AIG1: variants seen among roughly 807,000 people sequenced by gnomAD.
AIG1 encodes androgen-induced gene 1 protein.
Under a neutral mutation model 31.4 loss-of-function variants are expected in AIG1, and 23 were observed. That is an observed-to-expected ratio of 0.73 (90% CI 0.53 to 1.04). AIG1 has a LOEUF of 1.04. Among genes scored for constraint, AIG1 ranks in the 50% least tolerant of loss-of-function variants. The probability of loss-of-function intolerance (pLI) is 0.00; values close to 1 mark genes in which losing one functional copy is unlikely to be tolerated. For synonymous variants in AIG1, 100 were observed against 110.5 expected, an observed-to-expected ratio of 0.90 and a Z score of 0.60; for missense variants, 274 against 295.0, an observed-to-expected ratio of 0.93 and a Z score of 0.52.
At chr6:143,201,873 G>A (rs768450553) in intron 3 of AIG1, among the ~76,000 whole-genome samples, 8 of 152,184 alleles carry the variant, frequency 5.3e-5, no homozygotes, top group South Asian at 2.1e-4. Context: ...TAGCAAGTTA[G>A]TTGTAAACCT....
intron 3 of AIG1, among the ~76,000 whole-genome samples, chr6:143,196,984 C>T (rs1387475531): frequency 1.3e-5 from 2 of 152,180 alleles, no homozygotes; most frequent in Non-Finnish European, 2.9e-5. Context: ...TAATAGTCTG[C>T]AGCCTCTTAG....
At chr6:143,163,734 A>G (rs181482463) in intron 2 of AIG1, among the ~76,000 whole-genome samples, 1 of 152,322 alleles carries the variant, frequency 6.6e-6, no homozygotes, top group Admixed American at 6.5e-5. Context: ...ATTTCACTTT[A>G]AAGGGAAGAA....
At chr6:143,171,375 T>C (rs1787504568) in intron 3 of AIG1, among the ~76,000 whole-genome samples, 1 of 142,950 alleles carries the variant, frequency 7.0e-6, no homozygotes, top group Non-Finnish European at 1.5e-5. Flanking sequence ...AGTATTTTAT[T>C]CCTTTTTATG....
chr6:143,170,103 G>A (rs1343142535), intron 3 of AIG1, among the ~76,000 whole-genome samples: 1 of 152,032 alleles, frequency 6.6e-6, no homozygotes, highest in Non-Finnish European at 1.5e-5. Flanking sequence ...TGGCATCATA[G>A]AATGAGTTAG....
At chr6:143,143,497 T>G (rs773374552) in intron 2 of AIG1, among the ~76,000 whole-genome samples, 16 of 37,324 alleles carry the variant, frequency 4.3e-4, no homozygotes, top group Non-Finnish European at 6.6e-4. Context: ...CGAGACTTCA[T>G]CTCAAAAAAA....
rs368534372 is a variant in AIG1 at position 143,152,450 on chromosome 6, G to GT, written c.298-12622dup. Among the ~76,000 whole-genome samples, 825 of 149,788 alleles carry GT rather than the reference G, an allele frequency of 5.5e-3. 7 individuals are homozygous for GT. The highest frequency in any genetic ancestry group is 0.019 in the African/African-American group (771 of 40,912). On this transcript the variant is annotated intron_variant, in intron 2 of 5. Transcript: ENST00000357847. ...TTATGGTGGAGAAAAGGCCCAAATA[G>GT]TTTTTTTTTTCCAAAAGAAACTTAA...
intron 1 of AIG1, among the ~76,000 whole-genome samples, chr6:143,084,052 G>A (rs1287048238): frequency 6.6e-6 from 1 of 152,198 alleles, no homozygotes; most frequent in African/African-American, 2.4e-5. Context: ...CCCTCAGATA[G>A]TGACAGATCT....
At chr6:143,300,717 C>T (rs1281364805) in intron 4 of AIG1, among the ~76,000 whole-genome samples, 5 of 152,228 alleles carry the variant, frequency 3.3e-5, no homozygotes, top group South Asian at 2.1e-4. Context: ...TGAGTTAATA[C>T]GGATATTGCT....
At chr6:143,061,648 A>T in intron 1 of AIG1, 1 of 252,132 alleles carries the variant, frequency 4.0e-6, no homozygotes, top group Non-Finnish European at 8.1e-6. Context: ...TACCCCGTAC[A>T]TATTAGGAGA....
chr6:143,261,332 A>G (rs1338644571), intron 3 of AIG1, among the ~76,000 whole-genome samples: 1 of 152,186 alleles, frequency 6.6e-6, no homozygotes, highest in African/African-American at 2.4e-5. Flanking sequence ...AGGTTTCTCC[A>G]TGTTGACCAA....
intron 3 of AIG1, among the ~76,000 whole-genome samples, chr6:143,275,753 G>A (rs998151955): frequency 6.6e-6 from 1 of 152,144 alleles, no homozygotes; most frequent in Non-Finnish European, 1.5e-5. Flanking sequence ...TTGTGCCATT[G>A]TTGGTCTGCA....
At chr6:143,073,334 G>T (rs2128463117) in intron 1 of AIG1, among the ~76,000 whole-genome samples, 1 of 152,332 alleles carries the variant, frequency 6.6e-6, no homozygotes. Context: ...ATGAACATGG[G>T]AGTGCAGATA....
intron 3 of AIG1, among the ~76,000 whole-genome samples, chr6:143,208,580 G>A (rs1791315040): frequency 6.6e-6 from 1 of 152,178 alleles, no homozygotes; most frequent in Non-Finnish European, 1.5e-5. Flanking sequence ...GTAATTTAGT[G>A]AGGAGGAAGA....
intron 3 of AIG1, among the ~76,000 whole-genome samples, chr6:143,215,583 C>T (rs1263017229): frequency 6.6e-6 from 1 of 152,190 alleles, no homozygotes; most frequent in Non-Finnish European, 1.5e-5. Flanking sequence ...CCTCCTTCAC[C>T]AGTGTCTACT....
intron 4 of AIG1, among the ~76,000 whole-genome samples, chr6:143,314,815 A>G (rs1416964794): frequency 6.6e-6 from 1 of 152,158 alleles, no homozygotes; most frequent in Non-Finnish European, 1.5e-5. Context: ...ATTTAATTTT[A>G]CATAAACACA....
chr6:143,175,259 G>A (rs564165113), intron 3 of AIG1, among the ~76,000 whole-genome samples: 1 of 152,290 alleles, frequency 6.6e-6, no homozygotes, highest in African/African-American at 2.4e-5. Flanking sequence ...GTTGATTTTA[G>A]ATAACCTGAT....
chr6:143,228,159 A>C (rs945092643), intron 3 of AIG1, among the ~76,000 whole-genome samples: 2 of 152,276 alleles, frequency 1.3e-5, no homozygotes, highest in Non-Finnish European at 1.5e-5. Context: ...CCCCAAAAGC[A>C]GCTTGGAATA....
chr6:143,206,540 A>G (rs1304535387), intron 3 of AIG1, among the ~76,000 whole-genome samples: 2 of 152,214 alleles, frequency 1.3e-5, no homozygotes, highest in African/African-American at 4.8e-5. Context: ...TATCCATTTG[A>G]TAAGAGAAGC....
At chr6:143,189,243 C>A (rs1789566197) in intron 3 of AIG1, 2 of 426,448 alleles carry the variant, frequency 4.7e-6, no homozygotes, top group African/African-American at 4.3e-5. Context: ...AGACAATGGG[C>A]TCACTATGTT....
Sources: allele counts gnomAD v4.1 joint callset (sites outside exome capture counted in the v4.1 genomes callset), GRCh38; gene constraint gnomAD v4.1.1; transcripts MANE v1.5; gene names NCBI Gene and HGNC (gene_info 2026-07-23, HGNC 2026-07-21).